Variants in JAKMIP1 observed in about 807,000 individuals in gnomAD.
The protein encoded by JAKMIP1 is janus kinase and microtubule-interacting protein 1.
JAKMIP1 carries 33 observed loss-of-function variants against 113.0 expected under a neutral mutation model. The observed-to-expected ratio is 0.29, with a 90% CI of 0.22 to 0.39. JAKMIP1 has a LOEUF of 0.39. JAKMIP1 is among the 10% of genes least tolerant of loss of function. The pLI is 1.00. For synonymous variants in JAKMIP1, 480 were observed against 459.9 expected (o/e 1.04, Z -0.56); for missense variants, 813 against 1,080.5 (o/e 0.75, Z 3.47).
rs758544858 is a variant in JAKMIP1 at position 6,048,844 on chromosome 4, C to T, written c.2028+13G>A. 9.9e-6 allele frequency: 16 copies of T among 1,611,002 alleles called. No homozygotes were observed. The highest frequency in any genetic ancestry group is 4.0e-5 in the African/African-American group (3 of 74,882). ...GGACAAGGTGTGAGCACAGAAATGCCGCTGGCTTCTACCTTTTCACACAGG... is the reference window on the plus strand; with the variant it reads ...GGACAAGGTGTGAGCACAGAAATGCTGCTGGCTTCTACCTTTTCACACAGG... On this transcript the variant is annotated intron_variant, in intron 16 of 20. Transcript: ENST00000409021.
At position 6,064,782 on chromosome 4, in the gene JAKMIP1, T is replaced by C. The variant is rs1042479971; in HGVS notation, c.1431+98A>G. On this transcript the variant is annotated intron_variant, in intron 9 of 20. Transcript: ENST00000409021. The surrounding 1 kb of genome is among the most constrained non-coding windows in gnomAD (Gnocchi z 4.3). Reference sequence around the variant, plus strand: ...GAACTGGTCATCTGGGGTTCAGAACTATAGGCAAGGGAGCGAAACTTGCAA... The same window carrying C: ...GAACTGGTCATCTGGGGTTCAGAACCATAGGCAAGGGAGCGAAACTTGCAA... The C allele has an allele frequency of 2.0e-5, 31 of 1,516,190 alleles. No individual in the cohort carries two copies. The highest frequency in any genetic ancestry group is 2.7e-5 in the Non-Finnish European group (30 of 1,104,198). The allele number at this position is 1,516,190 out of a possible 1,614,324, so 93.9% of individuals were successfully genotyped here. A position where few individuals can be genotyped will look rare whatever the true frequency, so the allele number is the denominator to read the frequency against.
Position 6,048,642 on chromosome 4 carries a change from C to T in JAKMIP1, c.2028+215G>A, listed in dbSNP as rs1464617726. Among the ~76,000 whole-genome samples, 3 of 152,210 alleles carry T rather than the reference C, an allele frequency of 2.0e-5. No homozygotes were observed. In the East Asian group the frequency reaches 5.8e-4, roughly 29 times the overall value. ...AAAAGTGACAGACTGTTTCCTCCACCGGGTTTTGATTTCCTCCTGCGTCTC... is the reference window on the plus strand; with the variant it reads ...AAAAGTGACAGACTGTTTCCTCCACTGGGTTTTGATTTCCTCCTGCGTCTC... On this transcript the variant is annotated intron_variant, in intron 16 of 20. Transcript: ENST00000409021.
chr4:6,137,930 G>T lies in JAKMIP1; in HGVS notation c.-147-24933C>A, dbSNP rs1719489551. Among the ~76,000 whole-genome samples, 1 of 152,122 alleles carries T rather than the reference G, an allele frequency of 6.6e-6. No homozygotes were observed. Among genetic ancestry groups the T allele is most frequent in the Admixed American group, 6.5e-5 (1 of 15,270 alleles). ...AGACAAGGTGTGCTCTGGCGTTGGG[G>T]GTCCCACCATGGCCTTCTCCTTCCT... On this transcript the variant is annotated intron_variant, in intron 1 of 20. Transcript: ENST00000409021. This position sits in a 1 kb window ranked among gnomAD's most constrained non-coding sequence, Gnocchi z 4.5.
At position 6,050,500 on chromosome 4, in the gene JAKMIP1, C is replaced by T. The variant is rs2108767292; in HGVS notation, c.1908+78G>A. On this transcript the variant is annotated intron_variant, in intron 14 of 20. Transcript: ENST00000409021. This position sits in a 1 kb window ranked among gnomAD's most constrained non-coding sequence, Gnocchi z 7.4. ...CATGAAAATCAATTCTATCCCAGCACTCCCCCTTTGCAGCTGAGCCGGGCA... is the reference window on the plus strand; with the variant it reads ...CATGAAAATCAATTCTATCCCAGCATTCCCCCTTTGCAGCTGAGCCGGGCA... The T allele has an allele frequency of 1.0e-6, 1 of 959,374 alleles. No homozygotes were observed. Among genetic ancestry groups the T allele is most frequent in the South Asian group, 1.5e-5 (1 of 68,042 alleles). The allele number at this position is 959,374 out of a possible 1,614,324, so 59.4% of individuals were successfully genotyped here. A position where few individuals can be genotyped will look rare whatever the true frequency, so the allele number is the denominator to read the frequency against.
At chr4:6,066,130 A>G (rs934384846) in intron 8 of JAKMIP1, among the ~76,000 whole-genome samples, 1 of 152,106 alleles carries the variant, frequency 6.6e-6, no homozygotes, top group African/African-American at 2.4e-5. Flanking sequence ...CTCATCCAAA[A>G]CATGACTTCA....
chr4:6,174,074 A>T (rs1419178636), intron 1 of JAKMIP1, among the ~76,000 whole-genome samples: 1 of 152,216 alleles, frequency 6.6e-6, no homozygotes, highest in African/African-American at 2.4e-5. Flanking sequence ...ATACGTACAT[A>T]CATACATACA....
In JAKMIP1 at chr4:6,180,251, T is replaced by G. The variant is rs1240312818; in HGVS notation, c.-148+20002A>C. On this transcript the variant is annotated intron_variant, in intron 1 of 20. Transcript: ENST00000409021. The surrounding 1 kb of genome is among the most constrained non-coding windows in gnomAD (Gnocchi z 4.5). ...AAACAGAAATAATTTCTGATAAAAT[T>G]GCTACTCGTAACATTCAGAACCCAC... 6.6e-6 allele frequency among the ~76,000 whole-genome samples: 1 copy of G among 152,128 alleles called. No individual in the cohort carries two copies. The highest frequency in any genetic ancestry group is 1.5e-5 in the Non-Finnish European group (1 of 68,020).
rs549195710 is a variant in JAKMIP1, at chr4:6,062,546, T to C, written c.1432-106A>G. ...ACATAAATAAACACTTGCTATGGCT[T>C]TGAGTGCCAGGGTCAACTTAGACAT... is the stretch of plus-strand genomic sequence containing the variant. On this transcript the variant is annotated intron_variant, in intron 9 of 20. Coordinates refer to ENST00000409021, the MANE Select transcript of JAKMIP1 (RefSeq NM_001099433.2). 6.4e-6 allele frequency: 8 copies of C among 1,249,434 alleles called. No homozygotes were observed. The Middle Eastern group carries it at 1.0e-3, about 162-fold the overall frequency. 77.4% of individuals were successfully genotyped at this position (1,249,434 alleles called of 1,614,324 possible).
At chr4:6,066,486 C>G (rs372657537) in intron 8 of JAKMIP1, among the ~76,000 whole-genome samples, 51 of 152,126 alleles carry the variant, frequency 3.4e-4, no homozygotes, top group African/African-American at 1.2e-3. Context: ...GACTCTCCCC[C>G]GAACTCCAGA....
Position 6,040,875 on chromosome 4 carries a change from C to G in JAKMIP1, c.2098-159G>C, listed in dbSNP as rs1194752496. 6.6e-6 allele frequency among the ~76,000 whole-genome samples: 1 copy of G among 152,168 alleles called. No homozygotes were observed. Among genetic ancestry groups the G allele is most frequent in the East Asian group, 1.9e-4 (1 of 5,186 alleles). On this transcript the variant is annotated intron_variant, in intron 17 of 20. Coordinates refer to ENST00000409021, the MANE Select transcript of JAKMIP1 (RefSeq NM_001099433.2). The surrounding 1 kb of genome is among the most constrained non-coding windows in gnomAD (Gnocchi z 5.8). ...CCCCGTTTGCCCCCACATGAATCAC[C>G]CAGCAGGAGCCTCACTGACCTGGGG...
rs932057391 is a variant in JAKMIP1, at chr4:6,069,365, A to G, written c.1303-4357T>C. On this transcript the variant is annotated intron_variant, in intron 8 of 20. Coordinates refer to ENST00000409021, the MANE Select transcript of JAKMIP1 (RefSeq NM_001099433.2). This position sits in a 1 kb window ranked among gnomAD's most constrained non-coding sequence, Gnocchi z 4.5. ...TCATTCTGAGCCCATCTACTGAATA[A>G]AAAGGTAATTCCTCTAGCCTTCCAT... Among the ~76,000 whole-genome samples the G allele has an allele frequency of 6.6e-6, 1 of 152,240 alleles. No homozygotes were observed. Among genetic ancestry groups the G allele is most frequent in the African/African-American group, 2.4e-5 (1 of 41,458 alleles).
intron 3 of JAKMIP1, among the ~76,000 whole-genome samples, chr4:6,096,958 T>A (rs1711892077): frequency 6.6e-6 from 1 of 152,184 alleles, no homozygotes; most frequent in East Asian, 1.9e-4. Flanking sequence ...GCCACCCAAG[T>A]TGACAGTCTG....
At position 6,040,015 on chromosome 4, in the gene JAKMIP1, C is replaced by T. The variant is rs920936944; in HGVS notation, c.2175+624G>A. Among the ~76,000 whole-genome samples the T allele has an allele frequency of 2.0e-5, 3 of 152,220 alleles. No homozygotes were observed. Among genetic ancestry groups the T allele is most frequent in the Non-Finnish European group, 4.4e-5 (3 of 68,040 alleles). ...AAGGAATGACATTGAACTCTAAATTCTCTCTCCTGCAGCGACAAGTTTCTA... is the reference window on the plus strand; with the variant it reads ...AAGGAATGACATTGAACTCTAAATTTTCTCTCCTGCAGCGACAAGTTTCTA... On this transcript the variant is annotated intron_variant, in intron 18 of 20. Coordinates refer to ENST00000409021, the MANE Select transcript of JAKMIP1 (RefSeq NM_001099433.2). This position sits in a 1 kb window ranked among gnomAD's most constrained non-coding sequence, Gnocchi z 5.8.
intron 1 of JAKMIP1, among the ~76,000 whole-genome samples, chr4:6,171,794 G>C (rs17773390): frequency 6.6e-6 from 1 of 152,000 alleles, no homozygotes; most frequent in Non-Finnish European, 1.5e-5. Flanking sequence ...ATCGAGGCTC[G>C]TTCGTTGGCT....
intron 1 of JAKMIP1, among the ~76,000 whole-genome samples, chr4:6,169,958 TCATCACCACCACCACCACCACTAC>T (rs1560313893): frequency 6.8e-6 from 1 of 147,164 alleles, no homozygotes; most frequent in African/African-American, 2.6e-5. Flanking sequence ...ACCATCACTC[TCATCACCACCACCACCACCACTAC>T]CACCACCACC....
Position 6,184,563 on chromosome 4 carries a change from G to A in JAKMIP1, c.-148+15690C>T, listed in dbSNP as rs983677679. ...CCCTGAGCGCCAGTGTGGGATGGGT[G>A]CTATATGGACGGGAAGAGCTGCTGT... On this transcript the variant is annotated intron_variant, in intron 1 of 20. Coordinates refer to ENST00000409021, the MANE Select transcript of JAKMIP1 (RefSeq NM_001099433.2). This position sits in a 1 kb window ranked among gnomAD's most constrained non-coding sequence, Gnocchi z 4.5. Among the ~76,000 whole-genome samples the A allele has an allele frequency of 6.6e-6, 1 of 152,206 alleles. No individual in the cohort carries two copies. The highest frequency in any genetic ancestry group is 2.4e-5 in the African/African-American group (1 of 41,452).
Position 6,192,687 on chromosome 4 carries a change from ACAGAGGAGGAGAAACCCCACAGG to A in JAKMIP1, c.-148+7543_-148+7565del, listed in dbSNP as rs1222226098. The stretch of plus-strand genomic sequence containing the variant: ...TGCTCTGTGCCAATGCCCAAGGCTG[ACAGAGGAGGAGAAACCCCACAGG>A]CAGGGTTCCTGCCCTCATAGTGCTT... On this transcript the variant is annotated intron_variant, in intron 1 of 20. Transcript: ENST00000409021. The surrounding 1 kb of genome is among the most constrained non-coding windows in gnomAD (Gnocchi z 5.0). Among the ~76,000 whole-genome samples the A allele has an allele frequency of 1.3e-5, 2 of 152,226 alleles. No individual in the cohort carries two copies. The highest frequency in any genetic ancestry group is 2.9e-5 in the Non-Finnish European group (2 of 68,040).
rs1719205274 is a variant in JAKMIP1 at position 6,136,103 on chromosome 4, G to A, written c.-147-23106C>T. On this transcript the variant is annotated intron_variant, in intron 1 of 20. Coordinates refer to ENST00000409021, the MANE Select transcript of JAKMIP1 (RefSeq NM_001099433.2). This position sits in a 1 kb window ranked among gnomAD's most constrained non-coding sequence, Gnocchi z 5.9. ...TCTACTAAAGATACAAAAATTGGCC[G>A]GGCATGGTGGTGGGTTCCTGTATTC... is the stretch of plus-strand genomic sequence containing the variant. 1.3e-5 allele frequency among the ~76,000 whole-genome samples: 2 copies of A among 152,108 alleles called. No individual in the cohort carries two copies. Among genetic ancestry groups the A allele is most frequent in the African/African-American group, 2.4e-5 (1 of 41,474 alleles).
intron 1 of JAKMIP1, among the ~76,000 whole-genome samples, chr4:6,151,933 G>C (rs1454044386): frequency 6.6e-6 from 1 of 152,174 alleles, no homozygotes; most frequent in Non-Finnish European, 1.5e-5. Context: ...GACCTTCCCT[G>C]AACATTAGCT....
Sources: gnomAD v4.1 joint callset for allele counts (sites outside exome capture counted in the v4.1 genomes callset) on GRCh38, gnomAD v4.1.1 for gene constraint, Gnocchi (gnomAD v3.1) non-coding constraint, MANE v1.5 for transcripts, NCBI Gene and HGNC (gene_info 2026-07-23, HGNC 2026-07-21) for gene names.